TAS2R1: variants seen among roughly 807,000 people sequenced by gnomAD.
TAS2R1 encodes taste receptor type 2 member 1.
For synonymous variants in TAS2R1, 141 were observed against 134.2 expected, an observed-to-expected ratio of 1.05 and a Z score of -0.35; for missense variants, 370 against 353.4, an observed-to-expected ratio of 1.05 and a Z score of -0.38.
the TAS2R1 span, among the ~76,000 whole-genome samples, chr5:9,863,780 T>C: frequency 1.3e-5 from 2 of 152,200 alleles, no homozygotes; most frequent in Admixed American, 6.5e-5. Flanking sequence ...ATCTTTTGTA[T>C]TGGCATCATT....
At chr5:9,773,817 T>C in the TAS2R1 span, among the ~76,000 whole-genome samples, 1 of 152,238 alleles carries the variant, frequency 6.6e-6, no homozygotes, top group Non-Finnish European at 1.5e-5. Flanking sequence ...AAATGTTATT[T>C]ATTTTCTCCT....
the TAS2R1 span, among the ~76,000 whole-genome samples, chr5:9,725,079 A>C: frequency 6.6e-6 from 1 of 152,212 alleles, no homozygotes; most frequent in South Asian, 2.1e-4. Context: ...ACAGGTGATG[A>C]GGGGGACTCC....
intron 2 of TAS2R1, among the ~76,000 whole-genome samples, chr5:9,653,968 T>C (rs1350896132): frequency 6.6e-6 from 1 of 152,148 alleles, no homozygotes; most frequent in East Asian, 1.9e-4. Context: ...CAGACTTGCT[T>C]CATCTGTAGG....
intron 1 of TAS2R1, among the ~76,000 whole-genome samples, chr5:9,693,423 C>G (rs781546948): frequency 3.2e-4 from 48 of 148,586 alleles, no homozygotes; most frequent in Non-Finnish European, 5.2e-4. Flanking sequence ...ACTCGGGAAG[C>G]TGAGGGAGGA....
chr5:9,655,253 T>C (rs754800690), intron 2 of TAS2R1, among the ~76,000 whole-genome samples: 3 of 152,222 alleles, frequency 2.0e-5, no homozygotes, highest in Admixed American at 6.5e-5. Flanking sequence ...GGCATGTATT[T>C]TCCAAAACTT....
At chr5:9,882,607 C>A in the TAS2R1 span, among the ~76,000 whole-genome samples, 2 of 152,110 alleles carry the variant, frequency 1.3e-5, no homozygotes, top group Non-Finnish European at 2.9e-5. Flanking sequence ...GCCTAGGTGA[C>A]AGAGCAAAAC....
chr5:9,815,190 G>C, the TAS2R1 span, among the ~76,000 whole-genome samples: 86 of 152,346 alleles, frequency 5.6e-4, no homozygotes, highest in African/African-American at 2.0e-3. Context: ...CAGATTCCTT[G>C]ACACTTGGAG....
chr5:9,705,287 G>C, intron 1 of TAS2R1, among the ~76,000 whole-genome samples: 1 of 152,178 alleles, frequency 6.6e-6, no homozygotes, highest in East Asian at 1.9e-4. Flanking sequence ...GGAGGTGTGA[G>C]TAGAAATGGA....
At chr5:9,675,751 T>C (rs1740862230) in intron 1 of TAS2R1, among the ~76,000 whole-genome samples, 1 of 152,152 alleles carries the variant, frequency 6.6e-6, no homozygotes, top group Admixed American at 6.6e-5. Flanking sequence ...CTTGTGTGTG[T>C]GTGTACAGAC....
chr5:9,687,898 C>T (rs1741160761), intron 1 of TAS2R1, among the ~76,000 whole-genome samples: 1 of 152,226 alleles, frequency 6.6e-6, no homozygotes, highest in Admixed American at 6.5e-5. Flanking sequence ...TAAGCTTCTG[C>T]ACCCCATGAG....
At chr5:9,687,490 G>C (rs55661537) in intron 1 of TAS2R1, among the ~76,000 whole-genome samples, 2,862 of 152,050 alleles carry the variant, frequency 0.019, 88 homozygotes, top group African/African-American at 0.065. Flanking sequence ...ACTGAAGCAG[G>C]CCCCTCTGAC....
At chr5:9,851,388 AAG>A in the TAS2R1 span, among the ~76,000 whole-genome samples, 2 of 152,210 alleles carry the variant, frequency 1.3e-5, no homozygotes, top group African/African-American at 4.8e-5. Context: ...AAAATTGACA[AAG>A]AAATAATACC....
At chr5:9,845,007 C>T in the TAS2R1 span, among the ~76,000 whole-genome samples, 1 of 152,150 alleles carries the variant, frequency 6.6e-6, no homozygotes, top group Non-Finnish European at 1.5e-5. Context: ...TGTTTCCAAA[C>T]CTATTTCCTA....
At chr5:9,857,039 A>C in the TAS2R1 span, among the ~76,000 whole-genome samples, 3 of 152,218 alleles carry the variant, frequency 2.0e-5, no homozygotes, top group African/African-American at 7.2e-5. Flanking sequence ...GTACAGAAAG[A>C]CAAACATTGC....
At chr5:9,648,388 T>C (rs1173413698) in intron 2 of TAS2R1, among the ~76,000 whole-genome samples, 1 of 152,134 alleles carries the variant, frequency 6.6e-6, no homozygotes, top group Non-Finnish European at 1.5e-5. Context: ...ATAACAGATC[T>C]GCATTGTTCC....
At chr5:9,650,831 C>T (rs934984356) in intron 2 of TAS2R1, among the ~76,000 whole-genome samples, 13 of 152,152 alleles carry the variant, frequency 8.5e-5, no homozygotes, top group African/African-American at 2.7e-4. Flanking sequence ...TCCATTAGAA[C>T]ATAAACTATT....
chr5:9,845,034 A>G, the TAS2R1 span, among the ~76,000 whole-genome samples: 3 of 152,156 alleles, frequency 2.0e-5, no homozygotes, highest in African/African-American at 7.2e-5. Context: ...CCTGCTATGG[A>G]CTGAATATTT....
At chr5:9,755,772 G>C in the TAS2R1 span, among the ~76,000 whole-genome samples, 2 of 152,096 alleles carry the variant, frequency 1.3e-5, no homozygotes, top group South Asian at 4.2e-4. Flanking sequence ...AGAACTGAGG[G>C]TTTCTCCTGA....
the TAS2R1 span, among the ~76,000 whole-genome samples, chr5:9,733,253 G>A: frequency 6.6e-6 from 1 of 152,198 alleles, no homozygotes; most frequent in Non-Finnish European, 1.5e-5. Context: ...TGTGAATAAA[G>A]TTTTATTGGA....
Sources: allele counts gnomAD v4.1 joint callset (sites outside exome capture counted in the v4.1 genomes callset), GRCh38; gene constraint gnomAD v4.1.1; transcripts MANE v1.5; gene names NCBI Gene and HGNC (gene_info 2026-07-23, HGNC 2026-07-21).